Variants in CRYBG3 observed in about 807,000 individuals in gnomAD.
The protein encoded by CRYBG3 is crystallin beta-gamma domain containing 3, also known as very large A-kinase anchor protein.
A neutral mutation model predicts 244.2 loss-of-function variants in CRYBG3; 127 were observed. The ratio of observed to expected loss-of-function variants is 0.52; its 90% confidence interval spans 0.45 to 0.60. CRYBG3 has a LOEUF of 0.60. Ranked by LOEUF, CRYBG3 falls within the 20% of genes least tolerant of loss-of-function variation. CRYBG3 has a pLI of 0.00. For synonymous variants in CRYBG3, 1,132 were observed against 1,195.8 expected (o/e 0.95, Z 1.10); for missense variants, 3,325 against 3,442.5 (o/e 0.97, Z 0.85).
intron 11 of CRYBG3, 68 bp downstream of exon 11, chr3:97,893,061 A>T: frequency 7.4e-7 from 1 of 1,350,580 alleles, no homozygotes; most frequent in Non-Finnish European, 1.0e-6. Flanking sequence ...AAATGTGCTA[A>T]GCAAAGCAAA....
chr3:97,829,125 A>G (rs553531866), intron 1 of CRYBG3, among the ~76,000 whole-genome samples: 91 of 151,274 alleles, frequency 6.0e-4, no homozygotes, highest in Non-Finnish European at 1.2e-3. Context: ...TAAAAGAAGG[A>G]AAAAAAAAGA....
intron 17 of CRYBG3, among the ~76,000 whole-genome samples, chr3:97,917,986 T>A (rs370668682): frequency 6.6e-6 from 1 of 152,180 alleles, no homozygotes; most frequent in East Asian, 1.9e-4. Context: ...TAGTTAGGAA[T>A]TGATATGCCT....
At position 97,909,799 on chromosome 3, in the gene CRYBG3, G is replaced by A. The variant is rs1177306572; in HGVS notation, c.8005-2368G>A. Among the ~76,000 whole-genome samples, 832 of 146,722 alleles carry A rather than the reference G, an allele frequency of 5.7e-3. 4 individuals carry two copies. Among genetic ancestry groups the A allele is most frequent in the African/African-American group, 0.018 (697 of 39,138 alleles). ...TGTTCCGTTGCTGGTGAGGAACTGC[G>A]TTCCTTTGGAGGAGGAGAGGCGCTC... On this transcript the variant is annotated intron_variant, in intron 15 of 21. Transcript: ENST00000389622.
At chr3:97,830,981 A>G (rs898468363) in intron 1 of CRYBG3, among the ~76,000 whole-genome samples, 17 of 152,150 alleles carry the variant, frequency 1.1e-4, no homozygotes, top group African/African-American at 4.1e-4. Flanking sequence ...GCTCCTGCCA[A>G]ATGTTATAAT....
intron 3 of CRYBG3, among the ~76,000 whole-genome samples, chr3:97,868,144 C>T (rs1234820458): frequency 6.6e-6 from 1 of 152,010 alleles, no homozygotes; most frequent in Non-Finnish European, 1.5e-5. Flanking sequence ...ATTAGCCAGG[C>T]ACGGTGGTGG....
rs2039230175 is a variant in CRYBG3 at position 97,866,294 on chromosome 3, G to C, written c.647+1647G>C. 4.6e-5 allele frequency among the ~76,000 whole-genome samples: 7 copies of C among 152,154 alleles called. No individual in the cohort carries two copies. The South Asian group carries it at 1.4e-3, about 31-fold the overall frequency. On this transcript the variant is annotated intron_variant, in intron 3 of 21. Coordinates refer to ENST00000389622, the MANE Select transcript of CRYBG3 (RefSeq NM_153605.4). ...TATATCAAGAGCCTTAAGTTTGTAG[G>C]TTATTTCTGATAACGTACAAAGGTG...
intron 2 of CRYBG3, among the ~76,000 whole-genome samples, chr3:97,859,244 ACTGGTAGTGTCAGGCTC>A (rs1403798483): frequency 6.6e-6 from 1 of 152,092 alleles, no homozygotes; most frequent in African/African-American, 2.4e-5. Flanking sequence ...GGGCACAGTC[ACTGGTAGTGTCAGGCTC>A]CTGGCAGCCT....
At chr3:97,834,126 A>G (rs1321565354) in intron 1 of CRYBG3, among the ~76,000 whole-genome samples, 4 of 152,254 alleles carry the variant, frequency 2.6e-5, no homozygotes, top group South Asian at 2.1e-4. Context: ...TTGAATTTCA[A>G]CATGAACTTT....
At chr3:97,889,091 C>A (rs1175895429) in intron 9 of CRYBG3, among the ~76,000 whole-genome samples, 1 of 152,152 alleles carries the variant, frequency 6.6e-6, no homozygotes, top group Non-Finnish European at 1.5e-5. Flanking sequence ...AGCTCAGTTT[C>A]CTTCCTCATA....
At chr3:97,868,481 A>G (rs1447448751) in intron 3 of CRYBG3, among the ~76,000 whole-genome samples, 1 of 152,128 alleles carries the variant, frequency 6.6e-6, no homozygotes, top group Non-Finnish European at 1.5e-5. Context: ...TTGATTTCCT[A>G]TTCTTTAAAT....
At chr3:97,894,195 G>C (rs1261544078) in intron 11 of CRYBG3, among the ~76,000 whole-genome samples, 5 of 152,100 alleles carry the variant, frequency 3.3e-5, no homozygotes, top group Middle Eastern at 3.4e-3. Flanking sequence ...CTATTAACTA[G>C]GTTGACTTAG....
intron 10 of CRYBG3, 68 bp downstream of exon 10, chr3:97,889,458 T>C: frequency 1.5e-6 from 2 of 1,298,476 alleles, no homozygotes; most frequent in Non-Finnish European, 2.2e-6. Flanking sequence ...CCAATAATTT[T>C]GAAACATTGG....
In CRYBG3 at chr3:97,875,271, G is replaced by A. The variant is rs1356060939; in HGVS notation, c.4077G>A (p.Leu1359=). 7.5e-6 allele frequency: 11 copies of A among 1,472,274 alleles called. No homozygotes were observed. Among genetic ancestry groups the A allele is most frequent in the Non-Finnish European group, 9.8e-6 (11 of 1,119,986 alleles). The allele number at this position is 1,472,274 out of a possible 1,614,324, so 91.2% of individuals were successfully genotyped here. A position where few individuals can be genotyped will look rare whatever the true frequency, so the allele number is the denominator to read the frequency against. Residue 1359 remains leucine, a synonymous_variant, in exon 4 of 22, where the codon TTG becomes TTA. Transcript: ENST00000389622. ...VKPHDVVREF[L]VSEQPVNQST... is the part of the protein sequence containing the mutation. ...CACATGATGTAGTTAGAGAGTTCTTGGTTTCAGAACAGCCAGTAAATCAAA... is the reference window on the plus strand; with the variant it reads ...CACATGATGTAGTTAGAGAGTTCTTAGTTTCAGAACAGCCAGTAAATCAAA...
intron 7 of CRYBG3, among the ~76,000 whole-genome samples, chr3:97,886,083 C>G (rs1441230279): frequency 6.6e-6 from 1 of 152,158 alleles, no homozygotes; most frequent in African/African-American, 2.4e-5. Context: ...TTCAAACCTA[C>G]TGCACTAGGA....
chr3:97,859,799 T>C (rs979040849), intron 2 of CRYBG3, among the ~76,000 whole-genome samples: 1 of 152,200 alleles, frequency 6.6e-6, no homozygotes, highest in South Asian at 2.1e-4. Context: ...TATAAGGCTT[T>C]AGCCACTCTC....
At chr3:97,857,338 G>T (rs2039079988) in intron 2 of CRYBG3, among the ~76,000 whole-genome samples, 1 of 151,208 alleles carries the variant, frequency 6.6e-6, no homozygotes, top group African/African-American at 2.4e-5. Flanking sequence ...AGAAAAATGT[G>T]TATTCTGTAG....
Position 97,877,632 on chromosome 3 carries a change from T to A in CRYBG3, c.6438T>A (p.Ala2146=). The change falls in exon 4 of 22, where the codon GCT becomes GCA. Residue 2146 remains alanine (A), a synonymous_variant. Transcript: ENST00000389622. ...TTGATGAAGATGACAGAGAGGCAGC[T>A]GATGAGGAAGAAGAGGAGGAGGAGG... is the stretch of plus-strand genomic sequence containing the variant. ...MNFDEDDREA[A]DEEEEEEEAA... 1 of 1,614,018 alleles carries A rather than the reference T, an allele frequency of 6.2e-7. No homozygotes were observed. The highest frequency in any genetic ancestry group is 1.3e-5 in the African/African-American group (1 of 74,978).
chr3:97,827,227 C>G (rs143667867), intron 1 of CRYBG3, among the ~76,000 whole-genome samples: 2 of 152,238 alleles, frequency 1.3e-5, no homozygotes, highest in Admixed American at 6.5e-5. Context: ...GACCCAAGGT[C>G]AGGGGCTTTG....
chr3:97,860,292 G>A (rs2039127393), intron 2 of CRYBG3, among the ~76,000 whole-genome samples: 1 of 152,126 alleles, frequency 6.6e-6, no homozygotes, highest in Non-Finnish European at 1.5e-5. Context: ...GAATAAAATA[G>A]ATAAAAATCG....
Sources: gnomAD v4.1 joint callset for allele counts (sites outside exome capture counted in the v4.1 genomes callset) on GRCh38, gnomAD v4.1.1 for gene constraint, MANE v1.5 for transcripts, NCBI Gene and HGNC (gene_info 2026-07-23, HGNC 2026-07-21) for gene names.